HSPA4L: variants seen among roughly 807,000 people sequenced by gnomAD.
HSPA4L encodes the protein heat shock protein family A (Hsp70) member 4 like, also known as heat shock 70 kDa protein 4L.
HSPA4L carries 48 observed loss-of-function variants against 100.3 expected under a neutral mutation model. The observed-to-expected ratio is 0.48, with a 90% CI of 0.38 to 0.61. HSPA4L has a LOEUF of 0.61. HSPA4L is among the 20% of genes least tolerant of loss of function. The pLI, the probability that HSPA4L is intolerant of heterozygous loss-of-function variation, is 0.00. For synonymous variants in HSPA4L, 319 were observed against 328.2 expected, an observed-to-expected ratio of 0.97 and a Z score of 0.30; for missense variants, 886 against 988.6, an observed-to-expected ratio of 0.90 and a Z score of 1.39.
intron 12 of HSPA4L, among the ~76,000 whole-genome samples, chr4:127,814,140 A>G (rs575166117): frequency 6.6e-6 from 1 of 152,246 alleles, no homozygotes; most frequent in African/African-American, 2.4e-5. Flanking sequence ...TGATTTCTGT[A>G]TGTGAACTAA....
intron 16 of HSPA4L, among the ~76,000 whole-genome samples, chr4:127,825,139 CA>C (rs879803466): frequency 9.0e-4 from 104 of 116,186 alleles, no homozygotes; most frequent in Admixed American, 1.2e-3. Flanking sequence ...GACTCCATCT[CA>C]AAAAAAAAAA....
At chr4:127,787,661 C>T (rs938807700) in intron 1 of HSPA4L, among the ~76,000 whole-genome samples, 1 of 152,016 alleles carries the variant, frequency 6.6e-6, no homozygotes, top group Non-Finnish European at 1.5e-5. Flanking sequence ...TTACTTCATT[C>T]TTTTTGCTAG....
chr4:127,801,147 T>C lies in HSPA4L; in HGVS notation c.439T>C (p.Phe147Leu), dbSNP rs376897442. The stretch of plus-strand genomic sequence containing the variant: ...TGTTTTTAAATACTAGATTCCTAGC[T>C]TTTTTACTGATGCCGAGAGAAGATC... ...VADCVISIPS[F>L]FTDAERRSVM... Residue 147 changes from phenylalanine to leucine, a missense_variant, in exon 5 of 19, where the codon TTT (phenylalanine) becomes CTT (leucine). Phe to Leu is a conservative substitution (Grantham distance 22). Transcript: ENST00000296464. 9.9e-6 allele frequency: 16 copies of C among 1,610,384 alleles called. No individual in the cohort carries two copies. The highest frequency in any genetic ancestry group is 1.3e-5 in the African/African-American group (1 of 74,678).
chr4:127,783,681 G>A (rs977568143), intron 1 of HSPA4L: 1 of 1,535,220 alleles, frequency 6.5e-7, no homozygotes, highest in African/African-American at 1.4e-5. Flanking sequence ...TTATGGAAAG[G>A]TAATTTGGCA....
intron 1 of HSPA4L, among the ~76,000 whole-genome samples, chr4:127,785,126 G>A (rs1732678611): frequency 6.6e-6 from 1 of 152,176 alleles, no homozygotes; most frequent in Non-Finnish European, 1.5e-5. Context: ...ATAATTAAGG[G>A]ACAAAAGACA....
chr4:127,834,540 T>A lies in HSPA4L; in HGVS notation c.*1666T>A, dbSNP rs1335751169. The stretch of plus-strand genomic sequence containing the variant: ...AAATCATATAAACTTAATATATTTT[T>A]AAACTCTCCTAGTCTTTAAACTTTC... On this transcript the variant is annotated 3_prime_UTR_variant, in exon 19 of 19. Coordinates refer to ENST00000296464, the MANE Select transcript of HSPA4L (RefSeq NM_014278.4). 1 of 152,206 alleles carries A rather than the reference T, an allele frequency of 6.6e-6. No individual in the cohort carries two copies. Among genetic ancestry groups the A allele is most frequent in the African/African-American group, 2.4e-5 (1 of 41,466 alleles). 9.4% of individuals were successfully genotyped at this position (152,206 alleles called of 1,614,324 possible).
intron 11 of HSPA4L, among the ~76,000 whole-genome samples, chr4:127,808,815 C>T (rs1187223032): frequency 1.3e-5 from 2 of 152,056 alleles, no homozygotes; most frequent in Admixed American, 6.6e-5. Flanking sequence ...CTCAGCTACT[C>T]AGGAGGCTGA....
intron 3 of HSPA4L, among the ~76,000 whole-genome samples, chr4:127,797,853 G>A (rs1392153763): frequency 3.3e-5 from 5 of 151,816 alleles, no homozygotes; most frequent in Non-Finnish European, 7.4e-5. Flanking sequence ...TGCTCGCCTC[G>A]GCCTCCCAAG....
intron 12 of HSPA4L, among the ~76,000 whole-genome samples, chr4:127,815,696 G>C (rs1733653999): frequency 6.6e-6 from 1 of 151,916 alleles, no homozygotes; most frequent in South Asian, 2.1e-4. Flanking sequence ...CTATGCACTA[G>C]GGATACAGTG....
At chr4:127,792,449 A>G (rs558339107) in intron 1 of HSPA4L, among the ~76,000 whole-genome samples, 96 of 152,348 alleles carry the variant, frequency 6.3e-4, no homozygotes, top group Middle Eastern at 6.8e-3. Context: ...AGTGCTATCC[A>G]GTAGAACTTT....
chr4:127,830,667 T>C lies in HSPA4L; in HGVS notation c.2196T>C (p.Thr732=). 6.2e-7 allele frequency: 1 copy of C among 1,603,444 alleles called. No individual in the cohort carries two copies. The highest frequency in any genetic ancestry group is 8.5e-7 in the Non-Finnish European group (1 of 1,176,306). Reference sequence around the variant, plus strand: ...AAAGATATGATCATCTGGATCCTACTGAAATGGAAAAGGTTGAAAAATGTA... The same window carrying C: ...AAAGATATGATCATCTGGATCCTACCGAAATGGAAAAGGTTGAAAAATGTA... ...KDERYDHLDP[T]EMEKVEKCIS... The change falls in exon 18 of 19, where the codon ACT becomes ACC. Residue 732 remains threonine, a synonymous_variant. Coordinates refer to ENST00000296464, the MANE Select transcript of HSPA4L (RefSeq NM_014278.4).
chr4:127,781,842 G>A (rs1732559082), upstream of HSPA4L: 2 of 268,456 alleles, frequency 7.5e-6, no homozygotes, highest in South Asian at 5.9e-5. Context: ...GGGGAGGCGA[G>A]GCCTGCGGGC....
intron 8 of HSPA4L, 69 bp downstream of exon 8, chr4:127,804,156 AT>A (rs777859776): frequency 6.7e-6 from 8 of 1,198,176 alleles, no homozygotes; most frequent in Non-Finnish European, 9.6e-6. Flanking sequence ...GTAGATAATG[AT>A]AAAATAAATT....
intron 1 of HSPA4L, among the ~76,000 whole-genome samples, chr4:127,786,123 A>C (rs530017005): frequency 6.6e-6 from 1 of 152,358 alleles, no homozygotes; most frequent in African/African-American, 2.4e-5. Flanking sequence ...CTATGTGCTA[A>C]GCAAGCATTG....
chr4:127,795,903 G>C lies in HSPA4L; in HGVS notation c.301G>C (p.Val101Leu). The change falls in exon 3 of 19, where the codon GTT (valine) becomes CTT (leucine). Residue 101 changes from valine (V) to leucine (L), a missense_variant. By Grantham distance (32) the Val-to-Leu change is conservative. Transcript: ENST00000296464. ...GAAAATGCCTAATGGAAGTGCAGGA[G>C]TTAAGGTAAGCTTTATATTCCCAGG... ...LQKMPNGSAG[V>L]KVRYLEEERP... The C allele has an allele frequency of 1.2e-6, 2 of 1,613,330 alleles. No homozygotes were observed. Among genetic ancestry groups the C allele is most frequent in the Middle Eastern group, 1.7e-4 (1 of 6,058 alleles).
In HSPA4L at chr4:127,822,828, T is replaced by C. The variant is rs765215040; in HGVS notation, c.1872T>C (p.Val624=). Residue 624 remains valine, a synonymous_variant, in exon 15 of 19, where the codon GTT becomes GTC. Coordinates refer to ENST00000296464, the MANE Select transcript of HSPA4L (RefSeq NM_014278.4). ...EKERNDAKNA[V]EEYVYDFRDR... ...AAAGAAATGATGCTAAGAATGCCGT[T>C]GAAGAATATGTATATGATTTTAGAG... The C allele has an allele frequency of 4.3e-6, 7 of 1,613,648 alleles. No individual in the cohort carries two copies. The highest frequency in any genetic ancestry group is 2.2e-5 in the East Asian group (1 of 44,816).
chr4:127,782,149 T>C (rs1732570319), upstream of HSPA4L: 1 of 443,334 alleles, frequency 2.3e-6, no homozygotes, highest in African/African-American at 2.0e-5. Flanking sequence ...ATTTTCCAGA[T>C]CTTTCTCGAA....
chr4:127,789,143 G>A (rs1418181777), intron 1 of HSPA4L, among the ~76,000 whole-genome samples: 4 of 152,108 alleles, frequency 2.6e-5, no homozygotes, highest in African/African-American at 9.7e-5. Context: ...TTTGAGAGAA[G>A]AAGAAAATCC....
At chr4:127,830,616 C>G in intron 17 of HSPA4L, 22 bp from the exon 18 acceptor site, 2 of 1,542,888 alleles carry the variant, frequency 1.3e-6, no homozygotes, top group Non-Finnish European at 1.7e-6. Flanking sequence ...AACATGCAGT[C>G]AAGCTTTTTT....
Sources: gnomAD v4.1 joint callset for allele counts (sites outside exome capture counted in the v4.1 genomes callset) on GRCh38, gnomAD v4.1.1 for gene constraint, MANE v1.5 for transcripts, NCBI Gene and HGNC (gene_info 2026-07-23, HGNC 2026-07-21) for gene names.